Variants in CHODL observed in about 807,000 individuals in gnomAD.
CHODL encodes the protein chondrolectin.
CHODL carries 29 observed loss-of-function variants against 34.5 expected under a neutral mutation model. The observed-to-expected ratio is 0.84, with a 90% CI of 0.63 to 1.15. CHODL has a LOEUF of 1.15. CHODL is among the 50% of genes most tolerant of loss of function. CHODL has a pLI of 0.00. For missense variants in CHODL, 332 were observed against 332.5 expected (o/e 1.00, Z 0.01); for synonymous variants, 125 against 116.1 (o/e 1.08, Z -0.49).
chr21:17,986,082 G>A (rs1289478745), intron 1 of CHODL, among the ~76,000 whole-genome samples: 1 of 152,090 alleles, frequency 6.6e-6, no homozygotes, highest in Non-Finnish European at 1.5e-5. Flanking sequence ...TTTTGGAAGG[G>A]CACAAGTATT....
chr21:17,929,563 G>A (rs2063254790), intron 1 of CHODL, among the ~76,000 whole-genome samples: 2 of 152,254 alleles, frequency 1.3e-5, no homozygotes, highest in Non-Finnish European at 2.9e-5. Flanking sequence ...GCTGAGCTGG[G>A]ATTGGTATGG....
chr21:18,065,628 A>T (rs901094262), intron 2 of CHODL, among the ~76,000 whole-genome samples: 2 of 152,208 alleles, frequency 1.3e-5, no homozygotes, highest in Admixed American at 1.3e-4. Flanking sequence ...AGAACCAGAC[A>T]GAGCATCATC....
At chr21:18,081,198 A>T (rs2064937292) in intron 2 of CHODL, among the ~76,000 whole-genome samples, 1 of 152,162 alleles carries the variant, frequency 6.6e-6, no homozygotes, top group South Asian at 2.1e-4. Flanking sequence ...TCCTGAAACT[A>T]CTCAATTCAT....
chr21:18,087,668 G>A (rs1432386820), intron 2 of CHODL, among the ~76,000 whole-genome samples: 3 of 152,108 alleles, frequency 2.0e-5, no homozygotes, highest in African/African-American at 4.8e-5. Flanking sequence ...ATGACACCTC[G>A]AGGGGCAGGG....
chr21:18,256,382 A>T, intron 1 of CHODL, 127 bp from the exon 2 acceptor site: 1 of 936,540 alleles, frequency 1.1e-6, no homozygotes. Flanking sequence ...TTATGAAATA[A>T]TTCAGTGGGA....
intron 2 of CHODL, among the ~76,000 whole-genome samples, chr21:18,044,432 A>G (rs2064415852): frequency 6.6e-6 from 1 of 151,752 alleles, no homozygotes; most frequent in Admixed American, 6.6e-5. Context: ...AAAAAGAAAA[A>G]TCTTTATTTT....
In CHODL at chr21:17,941,228, A is replaced by C. The variant is rs142093267; in HGVS notation, c.-145+23828A>C. Among the ~76,000 whole-genome samples, 680 of 150,468 alleles carry C rather than the reference A, an allele frequency of 4.5e-3. 8 individuals carry two copies. The highest frequency in any genetic ancestry group is 0.016 in the African/African-American group (654 of 40,976). On this transcript the variant is annotated intron_variant, in intron 1 of 6. Coordinates refer to the CHODL transcript ENST00000400127. ...AGTTCAAAAGACAAGGCAGATTGAT[A>C]TATTCTCAAACTGAATTCTAAATTT...
At chr21:18,049,210 A>G (rs925872392) in intron 2 of CHODL, among the ~76,000 whole-genome samples, 9 of 152,084 alleles carry the variant, frequency 5.9e-5, no homozygotes, top group Admixed American at 5.9e-4. Context: ...AGCTGCTGTG[A>G]ATGCGTTACT....
chr21:18,216,306 C>A (rs1392903587), intron 2 of CHODL, among the ~76,000 whole-genome samples: 1 of 152,208 alleles, frequency 6.6e-6, no homozygotes, highest in South Asian at 2.1e-4. Flanking sequence ...TTTCTTCTAG[C>A]TATTTTAAAA....
At chr21:18,021,880 A>T (rs1223079660) in intron 1 of CHODL, among the ~76,000 whole-genome samples, 1 of 152,190 alleles carries the variant, frequency 6.6e-6, no homozygotes, top group African/African-American at 2.4e-5. Context: ...GAGTGTTATT[A>T]TCTGAATATT....
intron 2 of CHODL, among the ~76,000 whole-genome samples, chr21:18,154,167 T>G (rs114854207): frequency 0.016 from 2,380 of 152,352 alleles, 64 homozygotes; most frequent in African/African-American, 0.054. Flanking sequence ...GAAATATGTA[T>G]GTAAAAAGGC....
At chr21:17,933,766 C>G (rs145222434) in intron 1 of CHODL, among the ~76,000 whole-genome samples, 2 of 152,066 alleles carry the variant, frequency 1.3e-5, no homozygotes, top group African/African-American at 2.4e-5. Flanking sequence ...GTAGGCCGGG[C>G]GTGGTGGCTC....
chr21:18,156,111 A>G (rs1027962798), intron 2 of CHODL, among the ~76,000 whole-genome samples: 4 of 152,174 alleles, frequency 2.6e-5, no homozygotes, highest in Non-Finnish European at 5.9e-5. Context: ...TAGAAAGGAA[A>G]ATCAAAGTGA....
intron 2 of CHODL, among the ~76,000 whole-genome samples, chr21:18,216,143 G>A (rs1009452072): frequency 2.0e-5 from 3 of 150,740 alleles, no homozygotes; most frequent in African/African-American, 7.3e-5. Flanking sequence ...ATGGTTTGTT[G>A]GATTGATTGA....
chr21:17,922,851 G>A (rs2063193120), intron 1 of CHODL, among the ~76,000 whole-genome samples: 1 of 152,168 alleles, frequency 6.6e-6, no homozygotes, highest in Admixed American at 6.5e-5. Flanking sequence ...AGCCTCAGGA[G>A]TCCTGAAGAC....
upstream of CHODL, among the ~76,000 whole-genome samples, chr21:18,244,673 C>T (rs556757449): frequency 1.8e-4 from 27 of 152,062 alleles, no homozygotes; most frequent in South Asian, 5.0e-3. Context: ...AGGAGGCGGG[C>T]TGCTGACTGG....
chr21:18,242,429 T>TG (rs1249427350), upstream of CHODL, among the ~76,000 whole-genome samples: 3 of 150,376 alleles, frequency 2.0e-5, no homozygotes, highest in South Asian at 2.1e-4. Context: ...CCATATTGTA[T>TG]GGGAAAAAAA....
chr21:17,993,514 C>T (rs970922547), intron 1 of CHODL, among the ~76,000 whole-genome samples: 5 of 152,176 alleles, frequency 3.3e-5, no homozygotes, highest in African/African-American at 7.2e-5. Context: ...TAATGGCCTC[C>T]AGTGCCATCA....
At chr21:18,107,144 C>T (rs908321168) in intron 2 of CHODL, among the ~76,000 whole-genome samples, 1 of 152,120 alleles carries the variant, frequency 6.6e-6, no homozygotes, top group African/African-American at 2.4e-5. Context: ...CTTTATATTT[C>T]CTTTTAATCT....
Sources: gnomAD v4.1 joint callset for allele counts (sites outside exome capture counted in the v4.1 genomes callset) on GRCh38, gnomAD v4.1.1 for gene constraint, MANE v1.5 for transcripts, NCBI Gene and HGNC (gene_info 2026-07-23, HGNC 2026-07-21) for gene names.